Variants in BRD4 observed in about 807,000 individuals in gnomAD.
The protein encoded by BRD4 is bromodomain-containing protein 4.
In BRD4, 16 loss-of-function variants were observed where a neutral mutation model predicts 142.1. The observed-to-expected ratio is 0.11, with a 90% CI of 0.08 to 0.17. The LOEUF (loss-of-function observed/expected upper bound fraction) is 0.17, where lower values mean the gene tolerates loss of function less well. BRD4 is among the 10% of genes least tolerant of loss of function. The pLI is 1.00. For missense variants in BRD4, 1,424 were observed against 1,810.9 expected (o/e 0.79, Z 3.88); for synonymous variants, 833 against 707.5 (o/e 1.18, Z -2.82).
At position 15,239,078 on chromosome 19, in the gene BRD4, G is replaced by A. The variant is rs2047217194; in HGVS notation, c.3763C>T (p.Leu1255=). The A allele has an allele frequency of 6.2e-7, 1 of 1,600,322 alleles. No individual in the cohort carries two copies. The highest frequency in any genetic ancestry group is 1.1e-5 in the South Asian group (1 of 90,384). The stretch of plus-strand genomic sequence containing the variant: ...GCCCACCTCATGCGCTCCTGCCGCA[G>A]CCGCTCCTTCTCCTTCTCAGCGTGC... ...AEHAEKEKER[L]RQERMRSRED... Residue 1255 remains leucine, a synonymous_variant, in exon 18 of 20, where the codon CTG becomes TTG. Transcript: ENST00000679869. This position sits in a 1 kb window ranked among gnomAD's most constrained non-coding sequence, Gnocchi z 7.4.
chr19:15,268,889 C>T lies in BRD4; in HGVS notation c.423+16G>A. ...TCTCTCCCCAGGGCAGCTGGACACC[C>T]ACCCCTACATCTCACCTTGTTGTAG... On this transcript the variant is annotated intron_variant, in intron 3 of 19. Coordinates refer to ENST00000679869, the MANE Select transcript of BRD4 (RefSeq NM_001379291.1). The T allele has an allele frequency of 6.2e-7, 1 of 1,613,700 alleles. No individual in the cohort carries two copies. Among genetic ancestry groups the T allele is most frequent in the Non-Finnish European group, 8.5e-7 (1 of 1,179,788 alleles).
At chr19:15,255,671 G>C in intron 9 of BRD4, 79 bp from the exon 10 acceptor site, 2 of 1,493,944 alleles carry the variant, frequency 1.3e-6, no homozygotes, top group Non-Finnish European at 1.8e-6. Flanking sequence ...CATGTATGTT[G>C]GGGGGAAGGG....
chr19:15,322,373 G>A (rs1432768975), intron 1 of BRD4, among the ~76,000 whole-genome samples: 1 of 151,888 alleles, frequency 6.6e-6, no homozygotes, highest in African/African-American at 2.4e-5. Context: ...CCGGGTTCAC[G>A]CCATTCTCCT....
At chr19:15,316,848 C>T (rs943066288) in intron 1 of BRD4, among the ~76,000 whole-genome samples, 7 of 152,158 alleles carry the variant, frequency 4.6e-5, no homozygotes, top group Admixed American at 6.5e-5. Context: ...CAGGTACTTG[C>T]TTTCAGACCT....
chr19:15,270,977 G>C lies in BRD4; in HGVS notation c.285+1838C>G, dbSNP rs914924561. Among the ~76,000 whole-genome samples, 3 of 152,096 alleles carry C rather than the reference G, an allele frequency of 2.0e-5. No individual in the cohort carries two copies. In the South Asian group the frequency reaches 6.2e-4, roughly 32 times the overall value. On this transcript the variant is annotated intron_variant, in intron 2 of 19. Coordinates refer to ENST00000679869, the MANE Select transcript of BRD4 (RefSeq NM_001379291.1). ...ATGAGGGCGACGTCAACAGTCATAG[G>C]GACAGGTAGATTCACACTCTGCCTG...
Position 15,243,172 on chromosome 19 carries a change from A to G in BRD4, c.2897T>C (p.Val966Ala), listed in dbSNP as rs2047253942. The G allele has an allele frequency of 1.1e-5, 1 of 87,424 alleles. No homozygotes were observed. The highest frequency in any genetic ancestry group is 1.7e-5 in the Non-Finnish European group (1 of 60,324). 5.4% of individuals were successfully genotyped at this position (87,424 alleles called of 1,614,324 possible). ...PPLPPPPHPS[V>A]QQQLQQQPPP... is the part of the protein sequence containing the mutation. ...CGGCTGCTGCTGCAGCTGCTGCTGCACAGAGGGGTGGGGTGGGGGCGGCAG... is the reference window on the plus strand; with the variant it reads ...CGGCTGCTGCTGCAGCTGCTGCTGCGCAGAGGGGTGGGGTGGGGGCGGCAG... Residue 966 changes from valine to alanine, a missense_variant, in exon 14 of 20, where the codon GTG (valine) becomes GCG (alanine). Physicochemically the swap from Val to Ala is moderately conservative, Grantham distance 64 (BLOSUM62 0). Around this residue, in one of 16 missense-constraint regions of BRD4, gnomAD observed 598 missense variants for 647.8 expected, o/e 0.92. Coordinates refer to ENST00000679869, the MANE Select transcript of BRD4 (RefSeq NM_001379291.1).
In BRD4 at chr19:15,327,774, C is replaced by G. The variant is rs1269004701; in HGVS notation, c.-35+4516G>C. Among the ~76,000 whole-genome samples the G allele has an allele frequency of 5.3e-5, 8 of 150,938 alleles. No homozygotes were observed. In the East Asian group the frequency reaches 1.6e-3, roughly 29 times the overall value. ...AGTACAGTGAGTGAAAGATGCCAGGCACAAAAGGTTACATATTGTAGGATT... is the reference window on the plus strand; with the variant it reads ...AGTACAGTGAGTGAAAGATGCCAGGGACAAAAGGTTACATATTGTAGGATT... On this transcript the variant is annotated intron_variant, in intron 1 of 19. Transcript: ENST00000679869.
chr19:15,237,888 G>A lies in BRD4; in HGVS notation c.*489C>T, dbSNP rs201030374. On this transcript the variant is annotated 3_prime_UTR_variant, in exon 20 of 20. Coordinates refer to ENST00000679869, the MANE Select transcript of BRD4 (RefSeq NM_001379291.1). ...GCCAGCGAGGGGGTGGGCCGGCCTC[G>A]CCCGCCTCCAGCCCACGCAGGCCTG... 12 of 237,158 alleles carry A rather than the reference G, an allele frequency of 5.1e-5. No individual in the cohort carries two copies. The highest frequency in any genetic ancestry group is 6.0e-5 in the East Asian group (1 of 16,634). 14.7% of individuals were successfully genotyped at this position (237,158 alleles called of 1,614,324 possible).
At chr19:15,325,997 C>CA (rs35801340) in intron 1 of BRD4, among the ~76,000 whole-genome samples, 4,508 of 50,474 alleles carry the variant, frequency 0.089, 465 homozygotes, top group African/African-American at 0.23. Context: ...GACTCCGTCT[C>CA]AAAAAAAAAA....
intron 3 of BRD4, 112 bp downstream of exon 3, chr19:15,268,793 T>TC: frequency 1.6e-6 from 2 of 1,263,960 alleles, no homozygotes; most frequent in Non-Finnish European, 2.2e-6. Flanking sequence ...CTTGCCAGAC[T>TC]CCAAGCCCAG....
At chr19:15,301,033 T>C (rs896696609) in intron 1 of BRD4, among the ~76,000 whole-genome samples, 1 of 152,184 alleles carries the variant, frequency 6.6e-6, no homozygotes, top group Non-Finnish European at 1.5e-5. Context: ...CATCCACGTG[T>C]CCTTCAACTG....
chr19:15,253,756 G>A (rs776003300), intron 11 of BRD4: 1 of 1,598,348 alleles, frequency 6.3e-7, no homozygotes, highest in East Asian at 2.2e-5. Flanking sequence ...AGGCCCTGGG[G>A]ACACGAAGTC....
chr19:15,316,006 A>T (rs2048014579), intron 1 of BRD4, among the ~76,000 whole-genome samples: 2 of 149,790 alleles, frequency 1.3e-5, no homozygotes, highest in South Asian at 4.2e-4. Context: ...AATACAAAAA[A>T]TTAGCCGGGC....
chr19:15,308,692 G>T (rs1216060993), intron 1 of BRD4, among the ~76,000 whole-genome samples: 3 of 151,440 alleles, frequency 2.0e-5, no homozygotes, highest in Non-Finnish European at 4.4e-5. Flanking sequence ...TAAAAAGGGG[G>T]CAAAAAACAT....
chr19:15,325,224 G>A (rs1056109209), intron 1 of BRD4, among the ~76,000 whole-genome samples: 1 of 152,236 alleles, frequency 6.6e-6, no homozygotes, highest in Non-Finnish European at 1.5e-5. Context: ...AAGGCTGAGT[G>A]ACAGAATGAA....
chr19:15,249,626 C>G (rs2047323533), intron 11 of BRD4, among the ~76,000 whole-genome samples: 1 of 152,204 alleles, frequency 6.6e-6, no homozygotes, highest in African/African-American at 2.4e-5. Context: ...TCCTTTACTG[C>G]CCTCAAGTGG....
intron 1 of BRD4, among the ~76,000 whole-genome samples, chr19:15,319,400 G>C (rs1346058023): frequency 6.6e-6 from 1 of 152,116 alleles, no homozygotes; most frequent in Non-Finnish European, 1.5e-5. Flanking sequence ...GGAGGCCGAT[G>C]CTACAGTGAA....
chr19:15,239,381 T>A lies in BRD4; in HGVS notation c.3576+11A>T. 1 of 1,614,176 alleles carries A rather than the reference T, an allele frequency of 6.2e-7. No individual in the cohort carries two copies. The highest frequency in any genetic ancestry group is 8.5e-7 in the Non-Finnish European group (1 of 1,180,034). On this transcript the variant is annotated intron_variant, in intron 17 of 19. Transcript: ENST00000679869. This position sits in a 1 kb window ranked among gnomAD's most constrained non-coding sequence, Gnocchi z 7.4. ...AAGGGGCAAGCGACACCCATGGACC[T>A]CCATCCCAACCTTTTTGGGCGCAAC...
chr19:15,257,222 G>A (rs201816833), intron 7 of BRD4, 49 bp from the exon 8 acceptor site: 36 of 1,526,302 alleles, frequency 2.4e-5, no homozygotes, highest in Middle Eastern at 2.4e-4. Context: ...CCCAGGCCGC[G>A]GCCTAGCATC....
Sources: allele counts gnomAD v4.1 joint callset (sites outside exome capture counted in the v4.1 genomes callset), GRCh38; gene constraint gnomAD v4.1.1; regional missense constraint gnomAD v4.1.1; non-coding constraint Gnocchi (gnomAD v3.1); transcripts MANE v1.5; gene names NCBI Gene and HGNC (gene_info 2026-07-23, HGNC 2026-07-21).